INTS6L: variants seen among roughly 807,000 people sequenced by gnomAD.
The protein encoded by INTS6L is integrator complex subunit 6 like.
INTS6L carries 18 observed loss-of-function variants against 64.7 expected under a neutral mutation model. That is an observed-to-expected ratio of 0.28 (90% CI 0.19 to 0.41). INTS6L has a LOEUF of 0.41. Among genes scored for constraint, INTS6L ranks in the 10% least tolerant of loss-of-function variants. INTS6L has a pLI of 1.00. For missense variants in INTS6L, 533 were observed against 661.0 expected, an observed-to-expected ratio of 0.81 and a Z score of 2.12; for synonymous variants, 227 against 235.9, an observed-to-expected ratio of 0.96 and a Z score of 0.34.
chrX:135,547,292 A>G (rs782567799), intron 6 of INTS6L, 27 bp downstream of exon 6: 10 of 1,182,094 alleles, frequency 8.5e-6, no homozygotes, highest in Middle Eastern at 2.9e-4. Flanking sequence ...TTTTAACCCT[A>G]AAGTGTTATA....
chrX:135,531,336 C>T (rs1039277015), intron 2 of INTS6L, among the ~76,000 whole-genome samples: 11 of 111,974 alleles, frequency 9.8e-5, no homozygotes, highest in Non-Finnish European at 3.8e-5. Context: ...CCAAATATTC[C>T]GACACACACT....
chrX:135,564,625 G>A (rs1348823242), intron 9 of INTS6L, among the ~76,000 whole-genome samples: 2 of 108,761 alleles, frequency 1.8e-5, no homozygotes, highest in East Asian at 2.9e-4. Context: ...CCCACTACTC[G>A]GGAGGCTGAG....
At position 135,557,985 on chromosome X, in the gene INTS6L, G is replaced by A. The variant is rs782257825; in HGVS notation, c.1192+1685G>A. On this transcript the variant is annotated intron_variant, in intron 9 of 17. Transcript: ENST00000639893. ...CCCTAAATAGCCTGCTTAAAAAATGGGCAAAGGACTTGAATAGATATTTCT... is the reference window on the plus strand; with the variant it reads ...CCCTAAATAGCCTGCTTAAAAAATGAGCAAAGGACTTGAATAGATATTTCT... 1.8e-3 allele frequency among the ~76,000 whole-genome samples: 203 copies of A among 112,239 alleles called. 3 individuals are homozygous for A. The highest frequency in any genetic ancestry group is 9.2e-3 in the Middle Eastern group (2 of 217).
At chrX:135,551,379 C>T (rs781813994) in intron 7 of INTS6L, among the ~76,000 whole-genome samples, 2 of 112,213 alleles carry the variant, frequency 1.8e-5, no homozygotes, top group African/African-American at 3.2e-5. Context: ...CGAAGCCCAG[C>T]GCAAAGCATC....
chrX:135,538,759 G>C (rs2086119343), intron 2 of INTS6L, among the ~76,000 whole-genome samples: 1 of 112,214 alleles, frequency 8.9e-6, no homozygotes, highest in African/African-American at 3.2e-5. Context: ...TCACCCACGG[G>C]CTGCAGAATG....
In INTS6L at chrX:135,575,326, G is replaced by A. The variant is rs2087194842; in HGVS notation, c.1884+100G>A. ...AATACAAATCAGAGGTTCTTCATTT[G>A]TTTGTTTAAACAATAAAATATGACA... On this transcript the variant is annotated intron_variant, in intron 14 of 17. Coordinates refer to ENST00000639893, the MANE Select transcript of INTS6L (RefSeq NM_001351601.3). The A allele has an allele frequency of 2.9e-6, 3 of 1,022,120 alleles. No homozygotes were observed. In the East Asian group the frequency reaches 9.4e-5, roughly 32 times the overall value. The allele number at this position is 1,022,120 out of a possible 1,213,427, so 84.2% of individuals were successfully genotyped here.
At position 135,562,012 on chromosome X, in the gene INTS6L, TA is replaced by T. The variant is rs201875301; in HGVS notation, c.1192+5716del. Among the ~76,000 whole-genome samples, 324 of 110,836 alleles carry T rather than the reference TA, an allele frequency of 2.9e-3. 1 individual carries two copies. Among genetic ancestry groups the T allele is most frequent in the African/African-American group, 9.1e-3 (277 of 30,512 alleles). On this transcript the variant is annotated intron_variant, in intron 9 of 17. Coordinates refer to ENST00000639893, the MANE Select transcript of INTS6L (RefSeq NM_001351601.3). ...TTCATTAATCTTATCAATTTTTTTT[TA>T]AAATTTCATTGATTTATTTCCTTTC...
At chrX:135,569,919 C>G (rs2087052052) in intron 10 of INTS6L, 1 of 113,785 alleles carries the variant, frequency 8.8e-6, no homozygotes, top group Admixed American at 9.2e-5. Flanking sequence ...TCAGAAATGA[C>G]TTGGCCTCAT....
intron 9 of INTS6L, among the ~76,000 whole-genome samples, chrX:135,558,552 A>G (rs182397707): frequency 9.0e-6 from 1 of 111,657 alleles, no homozygotes; most frequent in East Asian, 2.8e-4. Context: ...GTATGATTCC[A>G]CTTACATGAG....
intron 2 of INTS6L, among the ~76,000 whole-genome samples, chrX:135,532,604 C>G (rs2085939273): frequency 1.8e-5 from 2 of 112,091 alleles, no homozygotes; most frequent in Admixed American, 1.9e-4. Context: ...ACTAATTACA[C>G]ACATGACCCC....
At position 135,523,402 on chromosome X, in the gene INTS6L, CAAAAAAA is replaced by C. The variant is rs782434658; in HGVS notation, c.189+2103_189+2109del. On this transcript the variant is annotated intron_variant, in intron 2 of 17. Coordinates refer to ENST00000639893, the MANE Select transcript of INTS6L (RefSeq NM_001351601.3). ...GGGCAAGAAAGTGAAACTCTGTCGT[CAAAAAAA>C]AAAAAAAAAAAAAAAAAAGGAACAA... is the stretch of plus-strand genomic sequence containing the variant. Among the ~76,000 whole-genome samples, 59 of 36,971 alleles carry C rather than the reference CAAAAAAA, an allele frequency of 1.6e-3. 1 individual carries two copies. In the East Asian group the frequency reaches 0.045, roughly 28 times the overall value. The allele number at this position is 36,971 out of a possible 115,157, so 32.1% of individuals were successfully genotyped here.
chrX:135,560,883 T>G (rs1482379656), intron 9 of INTS6L, among the ~76,000 whole-genome samples: 2 of 110,287 alleles, frequency 1.8e-5, no homozygotes, highest in Non-Finnish European at 3.8e-5. Flanking sequence ...TATTTGTATT[T>G]TTCTGAGTTT....
intron 2 of INTS6L, among the ~76,000 whole-genome samples, chrX:135,527,189 C>A: frequency 8.9e-6 from 1 of 112,038 alleles, no homozygotes; most frequent in African/African-American, 3.2e-5. Context: ...CTCTCCCCTG[C>A]ATGTAATTAC....
Position 135,552,140 on chromosome X carries a change from C to T in INTS6L, c.1053C>T (p.Cys351=). 1 of 1,189,194 alleles carries T rather than the reference C, an allele frequency of 8.4e-7. No homozygotes were observed. Among genetic ancestry groups the T allele is most frequent in the Non-Finnish European group, 1.1e-6 (1 of 887,169 alleles). Residue 351 remains cysteine (C), a synonymous_variant, in exon 8 of 18, where the codon TGC becomes TGT. Transcript: ENST00000639893. ...TGGAACGAAAGTCTCCCCATACCTG[C>T]TGGCAGGTACTTATCCTTACCTATT... is the stretch of plus-strand genomic sequence containing the variant. The part of the protein sequence containing the change: ...YILERKSPHT[C]WQVFVTSSGK...
rs1323034967 is a variant in INTS6L at position 135,521,877 on chromosome X, C to G, written c.189+559C>G. On this transcript the variant is annotated intron_variant, in intron 2 of 17. Coordinates refer to ENST00000639893, the MANE Select transcript of INTS6L (RefSeq NM_001351601.3). ...CCTTCCTCCCCCGGTCTTCCTCCCC[C>G]TCCTTGGGCTCTTCGCTGCATCTCC... Among the ~76,000 whole-genome samples, 7 of 109,175 alleles carry G rather than the reference C, an allele frequency of 6.4e-5. No individual in the cohort carries two copies. In the East Asian group the frequency reaches 8.8e-4, roughly 14 times the overall value. The allele number at this position is 109,175 out of a possible 115,157, so 94.8% of individuals were successfully genotyped here.
chrX:135,553,481 ATT>A lies in INTS6L; in HGVS notation c.1059+1357_1059+1358del, dbSNP rs1162273649. ...CCACAATTCCTGGCTAATTTTTTAA[ATT>A]TTTTTTTTTTTTTTTTTTTTTAGAG... On this transcript the variant is annotated intron_variant, in intron 8 of 17. Coordinates refer to ENST00000639893, the MANE Select transcript of INTS6L (RefSeq NM_001351601.3). 7.5e-3 allele frequency among the ~76,000 whole-genome samples: 603 copies of A among 80,753 alleles called. 18 individuals carry two copies. The highest frequency in any genetic ancestry group is 0.023 in the African/African-American group (536 of 23,554). 70.1% of individuals were successfully genotyped at this position (80,753 alleles called of 115,157 possible). A position where few individuals can be genotyped will look rare whatever the true frequency, so the allele number is the denominator to read the frequency against.
At chrX:135,543,878 A>G (rs1321111439) in intron 2 of INTS6L, among the ~76,000 whole-genome samples, 1 of 112,255 alleles carries the variant, frequency 8.9e-6, no homozygotes, top group Non-Finnish European at 1.9e-5. Flanking sequence ...CTCATTCCCT[A>G]TATTTCCAGT....
At chrX:135,550,479 C>T (rs182960662) in intron 7 of INTS6L, among the ~76,000 whole-genome samples, 53 of 99,627 alleles carry the variant, frequency 5.3e-4, no homozygotes, top group African/African-American at 1.8e-3. Context: ...ATAAAGGAGA[C>T]GGTATGAAAC....
At chrX:135,541,758 A>G (rs1265304336) in intron 2 of INTS6L, among the ~76,000 whole-genome samples, 1 of 112,583 alleles carries the variant, frequency 8.9e-6, no homozygotes, top group African/African-American at 3.2e-5. Context: ...GGTTTTTACT[A>G]ACATAAGAAT....
Sources: gnomAD v4.1 joint callset for allele counts (sites outside exome capture counted in the v4.1 genomes callset) on GRCh38, gnomAD v4.1.1 for gene constraint, MANE v1.5 for transcripts, NCBI Gene and HGNC (gene_info 2026-07-23, HGNC 2026-07-21) for gene names.